MTUS2: variants seen among roughly 807,000 people sequenced by gnomAD.
The protein encoded by MTUS2 is microtubule-associated tumor suppressor candidate 2.
In MTUS2, 40 loss-of-function variants were observed where a neutral mutation model predicts 114.1. The ratio of observed to expected loss-of-function variants is 0.35; its 90% CI spans 0.27 to 0.46. The LOEUF is 0.46. Among genes scored for constraint, MTUS2 ranks in the 20% least tolerant of loss-of-function variants. The probability of loss-of-function intolerance (pLI) is 1.00; values close to 1 mark genes in which losing one functional copy is unlikely to be tolerated. For synonymous variants in MTUS2, 688 were observed against 672.0 expected, an observed-to-expected ratio of 1.02 and a Z score of -0.37; for missense variants, 1,679 against 1,705.4, an observed-to-expected ratio of 0.98 and a Z score of 0.27.
chr13:29,397,999 CATAAA>C (rs1421839864), intron 8 of MTUS2, among the ~76,000 whole-genome samples: 29 of 152,156 alleles, frequency 1.9e-4, no homozygotes, highest in Admixed American at 7.9e-4. Flanking sequence ...AACAGAGAAT[CATAAA>C]ATAATCAGAA....
chr13:29,503,339 C>T lies in MTUS2; in HGVS notation c.*133C>T, dbSNP rs897464425. On this transcript the variant is annotated 3_prime_UTR_variant, in exon 16 of 16. Transcript: ENST00000612955. ...GCTGCGAATGCATCCTAGGCGCGTC[C>T]TCCTCTGATCCCCGTGTAAGACTGC... 1.1e-5 allele frequency: 10 copies of T among 949,542 alleles called. No homozygotes were observed. Among genetic ancestry groups the T allele is most frequent in the South Asian group, 1.6e-5 (1 of 64,038 alleles). The allele number at this position is 949,542 out of a possible 1,614,324, so 58.8% of individuals were successfully genotyped here.
chr13:29,129,748 A>C (rs1383093957), intron 5 of MTUS2, among the ~76,000 whole-genome samples: 1 of 152,190 alleles, frequency 6.6e-6, no homozygotes, highest in African/African-American at 2.4e-5. Context: ...GCCTGTGCCC[A>C]GCATGCTGGT....
intron 8 of MTUS2, among the ~76,000 whole-genome samples, chr13:29,388,353 G>A (rs1210570258): frequency 6.6e-6 from 1 of 151,704 alleles, no homozygotes. Flanking sequence ...TGGGTAAAAT[G>A]AGTCAACACT....
chr13:29,223,457 C>T (rs1593187242), intron 5 of MTUS2, among the ~76,000 whole-genome samples: 1 of 152,146 alleles, frequency 6.6e-6, no homozygotes, highest in South Asian at 2.1e-4. Flanking sequence ...GGACAACCTG[C>T]CCGTGGACAT....
chr13:29,485,663 A>AATG (rs1473631835), intron 10 of MTUS2, among the ~76,000 whole-genome samples: 1 of 152,220 alleles, frequency 6.6e-6, no homozygotes, highest in Non-Finnish European at 1.5e-5. Flanking sequence ...TTCCATCACC[A>AATG]ATGACTCAAA....
At chr13:29,402,117 C>T (rs1482220787) in intron 8 of MTUS2, among the ~76,000 whole-genome samples, 1 of 152,066 alleles carries the variant, frequency 6.6e-6, no homozygotes, top group East Asian at 1.9e-4. Flanking sequence ...GATATGAAGT[C>T]TGTGTACAGA....
chr13:29,244,703 TC>T (rs1177512346), intron 5 of MTUS2, among the ~76,000 whole-genome samples: 1 of 151,954 alleles, frequency 6.6e-6, no homozygotes, highest in Non-Finnish European at 1.5e-5. Context: ...ACGCCTGTAA[TC>T]CCAGCACTTT....
chr13:29,047,681 T>C (rs894641645), intron 4 of MTUS2, among the ~76,000 whole-genome samples: 6 of 151,944 alleles, frequency 3.9e-5, no homozygotes, highest in Non-Finnish European at 8.8e-5. Context: ...GCCCGGCTAA[T>C]TTTTTGTGTT....
intron 2 of MTUS2, among the ~76,000 whole-genome samples, chr13:28,953,445 G>T (rs751054732): frequency 1.6e-3 from 240 of 152,262 alleles, no homozygotes; most frequent in Non-Finnish European, 2.9e-3. Context: ...GGACGTGGAG[G>T]TTGCAGTGAG....
At chr13:29,078,263 A>G (rs1268815505) in intron 4 of MTUS2, among the ~76,000 whole-genome samples, 1 of 152,188 alleles carries the variant, frequency 6.6e-6, no homozygotes, top group African/African-American at 2.4e-5. Context: ...TTAGGATTTT[A>G]TTCATTTAGA....
intron 5 of MTUS2, among the ~76,000 whole-genome samples, chr13:29,255,961 G>C (rs1469775928): frequency 6.6e-6 from 1 of 152,122 alleles, no homozygotes; most frequent in Non-Finnish European, 1.5e-5. Flanking sequence ...ACTCAGCCTT[G>C]GTGTCTGCTT....
chr13:28,986,337 G>A (rs1884585216), intron 2 of MTUS2, among the ~76,000 whole-genome samples: 1 of 152,194 alleles, frequency 6.6e-6, no homozygotes, highest in Non-Finnish European at 1.5e-5. Context: ...GACACAGGAT[G>A]TAAGAACTTG....
rs1016399356 is a variant in MTUS2 at position 28,972,293 on chromosome 13, T to G, written c.-242-52164T>G. ...AATAACAAATGGCTTCTCTGATAAG[T>G]GACTCTCCGGTTCTTCCGGGACACT... On this transcript the variant is annotated intron_variant, in intron 2 of 15. Transcript: ENST00000612955. Among the ~76,000 whole-genome samples, 16 of 152,314 alleles carry G rather than the reference T, an allele frequency of 1.1e-4. No individual in the cohort carries two copies. The East Asian group carries it at 3.1e-3, about 29-fold the overall frequency.
intron 9 of MTUS2, among the ~76,000 whole-genome samples, chr13:29,448,897 A>G (rs4550318): frequency 0.41 from 61,526 of 151,136 alleles, 12,862 homozygotes; most frequent in Admixed American, 0.5. Context: ...AGGATTACAG[A>G]CACGGGCCAC....
intron 5 of MTUS2, among the ~76,000 whole-genome samples, chr13:29,191,670 A>G (rs979533741): frequency 6.6e-6 from 1 of 152,084 alleles, no homozygotes; most frequent in African/African-American, 2.4e-5. Flanking sequence ...ACTCCTGGAG[A>G]TCTTGGGTGT....
At chr13:29,402,777 C>G (rs1874441792) in intron 8 of MTUS2, among the ~76,000 whole-genome samples, 1 of 152,082 alleles carries the variant, frequency 6.6e-6, no homozygotes, top group Non-Finnish European at 1.5e-5. Flanking sequence ...TGTATTTTTT[C>G]AGATGGAGTC....
intron 5 of MTUS2, among the ~76,000 whole-genome samples, chr13:29,195,189 C>G (rs57013191): frequency 0.084 from 12,738 of 151,130 alleles, 686 homozygotes; most frequent in African/African-American, 0.15. Context: ...CACATGTATA[C>G]ATATGTAACT....
chr13:29,155,037 C>T (rs1040458757), intron 5 of MTUS2, among the ~76,000 whole-genome samples: 16 of 152,170 alleles, frequency 1.1e-4, no homozygotes, highest in African/African-American at 3.1e-4. Context: ...AGCTCATAGG[C>T]GTCTGTACCA....
chr13:29,205,455 A>G (rs1895145334), intron 5 of MTUS2, among the ~76,000 whole-genome samples: 1 of 150,464 alleles, frequency 6.6e-6, no homozygotes, highest in South Asian at 2.1e-4. Flanking sequence ...GTAATGTTTA[A>G]TTACATGTAT....
Sources: gnomAD v4.1 joint callset for allele counts (sites outside exome capture counted in the v4.1 genomes callset) on GRCh38, gnomAD v4.1.1 for gene constraint, MANE v1.5 for transcripts, NCBI Gene and HGNC (gene_info 2026-07-23, HGNC 2026-07-21) for gene names.